The following NRCAM variants were observed in gnomAD, a reference collection of about 807,000 sequenced individuals.
The protein encoded by NRCAM is NgCAM-related cell adhesion molecule.
In NRCAM, 83 loss-of-function variants were observed where a neutral mutation model predicts 156.5. That is an observed-to-expected ratio of 0.53 (90% CI 0.44 to 0.64). The LOEUF (loss-of-function observed/expected upper bound fraction) is 0.64, where lower values mean the gene tolerates loss of function less well. Ranked by LOEUF, NRCAM falls within the 30% of genes least tolerant of loss-of-function variation. NRCAM has a pLI of 0.00. For synonymous variants in NRCAM, 538 were observed against 563.9 expected, an observed-to-expected ratio of 0.95 and a Z score of 0.65; for missense variants, 1,417 against 1,597.3, an observed-to-expected ratio of 0.89 and a Z score of 1.92.
intron 3 of NRCAM, among the ~76,000 whole-genome samples, chr7:108,248,944 C>T (rs1269174757): frequency 1.3e-5 from 2 of 149,382 alleles, no homozygotes; most frequent in African/African-American, 2.5e-5. Flanking sequence ...TTCATCTCGG[C>T]GATTAGTCAG....
At chr7:108,256,544 C>T (rs1488771208) in intron 3 of NRCAM, among the ~76,000 whole-genome samples, 1 of 151,576 alleles carries the variant, frequency 6.6e-6, no homozygotes, top group Non-Finnish European at 1.5e-5. Flanking sequence ...ACATGTTTAT[C>T]TGCTGACCTT....
At chr7:108,431,578 T>G (rs189149295) in intron 1 of NRCAM, among the ~76,000 whole-genome samples, 2 of 151,072 alleles carry the variant, frequency 1.3e-5, no homozygotes, top group African/African-American at 2.4e-5. Flanking sequence ...AGCTCAGGAG[T>G]TCAAGGTCAG....
intron 2 of NRCAM, among the ~76,000 whole-genome samples, chr7:108,387,732 G>C (rs987878067): frequency 6.2e-4 from 78 of 125,800 alleles, no homozygotes; most frequent in Non-Finnish European, 6.6e-4. Flanking sequence ...CCCCACAACA[G>C]GGTGTGTGAT....
Position 108,413,411 on chromosome 7 carries a change from T to A in NRCAM, c.-331-13818A>T, listed in dbSNP as rs148962871. Among the ~76,000 whole-genome samples the A allele has an allele frequency of 2.0e-5, 3 of 152,338 alleles. No homozygotes were observed. The East Asian group carries it at 5.8e-4, about 29-fold the overall frequency. On this transcript the variant is annotated intron_variant, in intron 1 of 32. Transcript: ENST00000379028. ...GTTATTGAGTTGTTTCAGTTCCTTA[T>A]ATATTTTGGATATTAACCATTTATC...
chr7:108,149,760 G>T lies in NRCAM; in HGVS notation c.*150C>A. 1 of 676,102 alleles carries T rather than the reference G, an allele frequency of 1.5e-6. No individual in the cohort carries two copies. The highest frequency in any genetic ancestry group is 2.6e-6 in the Non-Finnish European group (1 of 390,524). 41.9% of individuals were successfully genotyped at this position (676,102 alleles called of 1,614,324 possible). A position where few individuals can be genotyped will look rare whatever the true frequency, so the allele number is the denominator to read the frequency against. On this transcript the variant is annotated 3_prime_UTR_variant, in exon 33 of 33. Transcript: ENST00000379028. ...TCATATTAACATATCATTTGACTGA[G>T]TTATGTTTTTGCTGTAACTATTCTC...
At chr7:108,164,547 C>CCAGCGGGAG (rs145160841) in intron 30 of NRCAM, among the ~76,000 whole-genome samples, 107,617 of 145,724 alleles carry the variant, frequency 0.74, 40,666 homozygotes, top group East Asian at 0.92. Context: ...ACCGCGGAAC[C>CCAGCGGGAG]GAGAGGAGAG....
chr7:108,414,828 A>G (rs755681507), intron 1 of NRCAM, among the ~76,000 whole-genome samples: 2 of 152,178 alleles, frequency 1.3e-5, no homozygotes, highest in Non-Finnish European at 2.9e-5. Context: ...TCCCTGGAGA[A>G]GAGTCACCTT....
At chr7:108,241,647 G>A (rs1548950) in intron 3 of NRCAM, among the ~76,000 whole-genome samples, 34,524 of 151,898 alleles carry the variant, frequency 0.23, 4,190 homozygotes, top group Non-Finnish European at 0.26. Flanking sequence ...ACAGTGCCTG[G>A]CACATGGTAG....
chr7:108,320,418 G>C (rs1336013639), intron 2 of NRCAM, among the ~76,000 whole-genome samples: 1 of 152,096 alleles, frequency 6.6e-6, no homozygotes, highest in Non-Finnish European at 1.5e-5. Context: ...CTGTACTCCA[G>C]CCTGGAGAAC....
At chr7:108,449,516 G>A (rs1474813692) in intron 1 of NRCAM, among the ~76,000 whole-genome samples, 3 of 152,266 alleles carry the variant, frequency 2.0e-5, no homozygotes, top group East Asian at 1.9e-4. Context: ...CAGCGGACTC[G>A]CTCGCAAGCC....
intron 1 of NRCAM, among the ~76,000 whole-genome samples, chr7:108,431,718 G>A (rs890422339): frequency 7.2e-5 from 11 of 152,184 alleles, no homozygotes; most frequent in Non-Finnish European, 1.0e-4. Flanking sequence ...CTGGGAGGTC[G>A]AGGCTGCAGT....
At chr7:108,425,606 T>C (rs553453023) in intron 1 of NRCAM, among the ~76,000 whole-genome samples, 22 of 152,302 alleles carry the variant, frequency 1.4e-4, no homozygotes, top group African/African-American at 5.1e-4. Context: ...GACTTTATAG[T>C]TCTTACATAT....
chr7:108,336,337 C>T (rs920389174), intron 2 of NRCAM, among the ~76,000 whole-genome samples: 1 of 152,072 alleles, frequency 6.6e-6, no homozygotes, highest in African/African-American at 2.4e-5. Context: ...GAAGAATGGA[C>T]GCAGTGTTTA....
At chr7:108,302,298 G>A (rs572352558) in intron 3 of NRCAM, among the ~76,000 whole-genome samples, 9 of 151,992 alleles carry the variant, frequency 5.9e-5, no homozygotes, top group African/African-American at 1.9e-4. Context: ...CACATTCTAG[G>A]TCCCTCAGTT....
chr7:108,275,835 A>G (rs920035209), intron 3 of NRCAM, among the ~76,000 whole-genome samples: 4 of 151,812 alleles, frequency 2.6e-5, no homozygotes, highest in African/African-American at 2.4e-5. Flanking sequence ...TAGGGTGTTG[A>G]TTTTAGATCT....
chr7:108,274,079 C>T (rs1424120286), intron 3 of NRCAM, among the ~76,000 whole-genome samples: 1 of 152,148 alleles, frequency 6.6e-6, no homozygotes, highest in Non-Finnish European at 1.5e-5. Flanking sequence ...TCTGAGGTCT[C>T]TGTTCTGTTC....
intron 1 of NRCAM, among the ~76,000 whole-genome samples, chr7:108,425,126 G>A (rs368348738): frequency 3.3e-5 from 5 of 152,078 alleles, no homozygotes; most frequent in African/African-American, 1.2e-4. Flanking sequence ...ATTTTCTGGG[G>A]TGAGATGTCA....
At chr7:108,300,421 A>C (rs2098579036) in intron 3 of NRCAM, among the ~76,000 whole-genome samples, 1 of 152,040 alleles carries the variant, frequency 6.6e-6, no homozygotes, top group African/African-American at 2.4e-5. Flanking sequence ...TATAATAAAC[A>C]TCTATTTTCT....
intron 20 of NRCAM, among the ~76,000 whole-genome samples, chr7:108,185,876 C>A (rs1051053159): frequency 6.6e-6 from 1 of 151,800 alleles, no homozygotes; most frequent in Non-Finnish European, 1.5e-5. Context: ...AAATGTAAAA[C>A]GAAATTACTA....
Sources: allele counts gnomAD v4.1 joint callset (sites outside exome capture counted in the v4.1 genomes callset), GRCh38; gene constraint gnomAD v4.1.1; transcripts MANE v1.5; gene names NCBI Gene and HGNC (gene_info 2026-07-23, HGNC 2026-07-21).